Variants in ZSCAN5A observed in about 807,000 individuals in gnomAD.
The protein encoded by ZSCAN5A is zinc finger and SCAN domain-containing protein 5A.
ZSCAN5A carries 12 observed loss-of-function variants against 23.7 expected under a neutral mutation model. That is an observed-to-expected ratio of 0.51 (90% confidence interval 0.32 to 0.82). The LOEUF (loss-of-function observed/expected upper bound fraction) is 0.82. Ranked by LOEUF, ZSCAN5A falls within the 40% of genes least tolerant of loss-of-function variation. The pLI is 0.03. For missense variants in ZSCAN5A, 597 were observed against 617.9 expected (o/e 0.97, Z 0.36); for synonymous variants, 257 against 239.9 (o/e 1.07, Z -0.66).
intron 2 of ZSCAN5A, chr19:56,304,702 G>C (rs1362128236): frequency 4.1e-6 from 3 of 731,878 alleles, no homozygotes; most frequent in African/African-American, 3.8e-5. Flanking sequence ...AAGCGAGAGG[G>C]GGATGGGGAG....
intron 2 of ZSCAN5A, among the ~76,000 whole-genome samples, chr19:56,266,042 T>C (rs917104291): frequency 7.9e-5 from 12 of 152,204 alleles, no homozygotes; most frequent in African/African-American, 2.7e-4. Flanking sequence ...CATACCTGTA[T>C]AGATTCAAAT....
At chr19:56,366,439 A>G (rs1018102171) in intron 1 of ZSCAN5A, among the ~76,000 whole-genome samples, 119 of 151,858 alleles carry the variant, frequency 7.8e-4, no homozygotes, top group Middle Eastern at 6.8e-3. Flanking sequence ...AAAAAAAAAA[A>G]AAAAGAAACC....
chr19:56,305,677 G>A (rs537062290), intron 2 of ZSCAN5A, among the ~76,000 whole-genome samples: 2 of 152,312 alleles, frequency 1.3e-5, no homozygotes, highest in Admixed American at 1.3e-4. Context: ...GGGCAGACAA[G>A]ATTCCTGAGC....
At chr19:56,321,311 G>A in intron 2 of ZSCAN5A, 1 of 656,890 alleles carries the variant, frequency 1.5e-6, no homozygotes, top group Non-Finnish European at 2.8e-6. Context: ...GCCCATCACT[G>A]GTCAAGAAGT....
intron 1 of ZSCAN5A, among the ~76,000 whole-genome samples, chr19:56,313,763 C>T (rs1425991559): frequency 6.6e-6 from 1 of 152,144 alleles, no homozygotes; most frequent in African/African-American, 2.4e-5. Flanking sequence ...TTAATTATCC[C>T]TTCCCTTTGA....
intron 2 of ZSCAN5A, among the ~76,000 whole-genome samples, chr19:56,292,889 A>C (rs780133417): frequency 5.9e-5 from 9 of 152,206 alleles, no homozygotes; most frequent in Non-Finnish European, 1.3e-4. Flanking sequence ...GTGGCCTGTG[A>C]CAGTGCTTCA....
At chr19:56,291,204 C>T (rs974900467) in intron 2 of ZSCAN5A, among the ~76,000 whole-genome samples, 2 of 152,184 alleles carry the variant, frequency 1.3e-5, no homozygotes, top group Non-Finnish European at 2.9e-5. Flanking sequence ...GAGAAGAGAA[C>T]CAAAGAGGGG....
chr19:56,272,001 T>C (rs924574849), intron 2 of ZSCAN5A, among the ~76,000 whole-genome samples: 2 of 152,224 alleles, frequency 1.3e-5, no homozygotes, highest in African/African-American at 2.4e-5. Flanking sequence ...ACAAATTTAC[T>C]ATCATACAGG....
In ZSCAN5A at chr19:56,222,672, T is replaced by A. The variant is rs2033400006; in HGVS notation, c.658A>T (p.Thr220Ser). 1 of 1,614,154 alleles carries A rather than the reference T, an allele frequency of 6.2e-7. No individual in the cohort carries two copies. Among genetic ancestry groups the A allele is most frequent in the Non-Finnish European group, 8.5e-7 (1 of 1,180,038 alleles). ...GDPKSLRPKQ[T>S]LEKDLKENRE... ...TTTTCCTTCAGATCCTTCTCCAAGGTCTGCTTGGGTCTCAGAGACTTTGGG... is the reference window on the plus strand; with the variant it reads ...TTTTCCTTCAGATCCTTCTCCAAGGACTGCTTGGGTCTCAGAGACTTTGGG... Residue 220 changes from threonine (T) to serine (S), a missense_variant, in exon 5 of 6, where the codon ACC becomes TCC. Coordinates refer to ENST00000683990, the MANE Select transcript of ZSCAN5A (RefSeq NM_001322064.3).
intron 2 of ZSCAN5A, among the ~76,000 whole-genome samples, chr19:56,291,065 G>C (rs150930413): frequency 6.6e-6 from 1 of 152,194 alleles, no homozygotes; most frequent in Non-Finnish European, 1.5e-5. Flanking sequence ...TCTGGGATAC[G>C]GTGGGTCTGG....
chr19:56,329,296 C>T (rs1178030147), intron 2 of ZSCAN5A, among the ~76,000 whole-genome samples: 1 of 151,922 alleles, frequency 6.6e-6, no homozygotes, highest in East Asian at 1.9e-4. Context: ...TTGCAGTGAG[C>T]CGAGATCGTG....
intron 2 of ZSCAN5A, among the ~76,000 whole-genome samples, chr19:56,349,273 T>C (rs2041652593): frequency 6.6e-6 from 1 of 152,118 alleles, no homozygotes. Context: ...TGTTGTTCTC[T>C]CAACCCCCTT....
chr19:56,235,134 G>C (rs1387283496), intron 2 of ZSCAN5A, among the ~76,000 whole-genome samples: 102 of 77,554 alleles, frequency 1.3e-3, no homozygotes, highest in Middle Eastern at 9.4e-3. Context: ...TCTGATGGAC[G>C]GTGGGCCAAG....
chr19:56,327,948 A>ATATATT (rs71293969), intron 2 of ZSCAN5A, among the ~76,000 whole-genome samples: 28,775 of 152,006 alleles, frequency 0.19, 3,536 homozygotes, highest in African/African-American at 0.35. Flanking sequence ...AGTATACATG[A>ATATATT]TATATTCACA....
In ZSCAN5A at chr19:56,221,707, C is replaced by G. The variant is rs1470525817; in HGVS notation, c.1359G>C (p.Gly453=). The part of the protein sequence containing the change: ...KDCKKVFTYR[G]SLKEHQRIHS... ...GGATGCGCTGGTGCTCCTTCAGGCT[C>G]CCCCTGTAGGTGAAAACTTTCTTGC... is the stretch of plus-strand genomic sequence containing the variant. Residue 453 remains glycine, a synonymous_variant, in exon 6 of 6, where the codon GGG becomes GGC. Transcript: ENST00000683990. 1 of 1,614,138 alleles carries G rather than the reference C, an allele frequency of 6.2e-7. No homozygotes were observed. The highest frequency in any genetic ancestry group is 1.1e-5 in the South Asian group (1 of 91,080).
rs1298225767 is a variant in ZSCAN5A, at chr19:56,257,894, CCGA to C, written c.-127-32724_-127-32722del. Among the ~76,000 whole-genome samples the C allele has an allele frequency of 1.3e-3, 178 of 140,388 alleles. 19 individuals carry two copies. Among genetic ancestry groups the C allele is most frequent in the African/African-American group, 4.7e-3 (173 of 36,830 alleles). 92.1% of individuals were successfully genotyped at this position (140,388 alleles called of 152,430 possible). ...CCTGGCTCCTGCCTCCCACCACTGC[CCGA>C]TCTTCTTAGACACAGGCGCCGGGAG... is the stretch of plus-strand genomic sequence containing the variant. On this transcript the variant is annotated intron_variant, in intron 2 of 5. Transcript: ENST00000683990.
chr19:56,259,959 G>T (rs1249622690), intron 2 of ZSCAN5A, among the ~76,000 whole-genome samples: 1 of 152,200 alleles, frequency 6.6e-6, no homozygotes, highest in East Asian at 1.9e-4. Context: ...GGGTGACAGA[G>T]CGAGACCTTG....
rs1238268417 is a variant in ZSCAN5A, at chr19:56,352,473, G to A, written c.-358+10762C>T. ...AAATAAACATTTATCCTTAGATGCTGAGCGTGAATGTGAGACTGTTAGATG... is the reference window on the plus strand; with the variant it reads ...AAATAAACATTTATCCTTAGATGCTAAGCGTGAATGTGAGACTGTTAGATG... On this transcript the variant is annotated intron_variant, in intron 2 of 6. Coordinates refer to the ZSCAN5A transcript ENST00000587340. This position sits in a 1 kb window ranked among gnomAD's most constrained non-coding sequence, Gnocchi z 4.2. 6.6e-6 allele frequency among the ~76,000 whole-genome samples: 1 copy of A among 152,214 alleles called. No individual in the cohort carries two copies. The highest frequency in any genetic ancestry group is 1.5e-5 in the Non-Finnish European group (1 of 68,034).
chr19:56,241,604 T>G lies in ZSCAN5A; in HGVS notation c.-127-16431A>C, dbSNP rs1453769557. Among the ~76,000 whole-genome samples, 3 of 152,206 alleles carry G rather than the reference T, an allele frequency of 2.0e-5. No homozygotes were observed. The East Asian group carries it at 5.8e-4, about 29-fold the overall frequency. On this transcript the variant is annotated intron_variant, in intron 2 of 5. Coordinates refer to ENST00000683990, the MANE Select transcript of ZSCAN5A (RefSeq NM_001322064.3). Reference sequence around the variant, plus strand: ...ATTTTTGGCTGTGAGAATACTTGATTGAAATCTACTCTTTTAGCAATTTCC... The same window carrying G: ...ATTTTTGGCTGTGAGAATACTTGATGGAAATCTACTCTTTTAGCAATTTCC...
Sources: allele counts gnomAD v4.1 joint callset (sites outside exome capture counted in the v4.1 genomes callset), GRCh38; gene constraint gnomAD v4.1.1; non-coding constraint Gnocchi (gnomAD v3.1); transcripts MANE v1.5; gene names NCBI Gene and HGNC (gene_info 2026-07-23, HGNC 2026-07-21).